The following LRFN5 variants were observed in gnomAD, a reference collection of about 807,000 sequenced individuals.
LRFN5 encodes leucine-rich repeat and fibronectin type-III domain-containing protein 5.
In LRFN5, 24 loss-of-function variants were observed where a neutral mutation model predicts 45.6. That is an observed-to-expected ratio of 0.53 (90% CI 0.38 to 0.74). The LOEUF (loss-of-function observed/expected upper bound fraction) is 0.74, where lower values mean the gene tolerates loss of function less well. Among genes scored for constraint, LRFN5 ranks in the 30% least tolerant of loss-of-function variants. The pLI is 0.00. For missense variants in LRFN5, 776 were observed against 861.5 expected (o/e 0.90, Z 1.24); for synonymous variants, 340 against 313.8 (o/e 1.08, Z -0.88).
intron 2 of LRFN5, among the ~76,000 whole-genome samples, chr14:41,795,250 T>C (rs966636399): frequency 5.3e-5 from 8 of 152,032 alleles, no homozygotes; most frequent in African/African-American, 1.9e-4. Context: ...CCAGTTAGAA[T>C]GGCGATCATT....
chr14:41,757,254 T>A (rs1041811819), intron 1 of LRFN5, among the ~76,000 whole-genome samples: 5 of 152,168 alleles, frequency 3.3e-5, no homozygotes, highest in African/African-American at 1.2e-4. Flanking sequence ...TCCAGCTGCG[T>A]GCTGGGAGAA....
chr14:41,799,731 A>G (rs1260183366), intron 2 of LRFN5, among the ~76,000 whole-genome samples: 1 of 152,004 alleles, frequency 6.6e-6, no homozygotes, highest in African/African-American at 2.4e-5. Context: ...TGAGGAGATA[A>G]ACGCATTTGG....
chr14:41,802,552 G>A (rs967105020), intron 2 of LRFN5, among the ~76,000 whole-genome samples: 2 of 152,140 alleles, frequency 1.3e-5, no homozygotes, highest in Non-Finnish European at 2.9e-5. Context: ...AGAGTTTAGA[G>A]GAGTTGGAAA....
chr14:41,723,101 G>T (rs1883794551), intron 1 of LRFN5, among the ~76,000 whole-genome samples: 1 of 152,206 alleles, frequency 6.6e-6, no homozygotes, highest in African/African-American at 2.4e-5. Flanking sequence ...ATGGGTGTGA[G>T]GTGTAGAAGA....
intron 2 of LRFN5, among the ~76,000 whole-genome samples, chr14:41,817,750 C>T (rs1332731771): frequency 3.9e-5 from 6 of 152,124 alleles, no homozygotes; most frequent in African/African-American, 1.4e-4. Context: ...CTATGAGAAC[C>T]TAGATAAACT....
rs914212982 is a variant in LRFN5, at chr14:41,671,617, G to GTTTTTTTTT, written c.-197+63067_-197+63075dup. The stretch of plus-strand genomic sequence containing the variant: ...TGTGGAGGAGAGATTTTTTTTTTTC[G>GTTTTTTTTT]TTTTTTTTTTTTTTTTTTTTACGGA... On this transcript the variant is annotated intron_variant, in intron 1 of 5. Coordinates refer to ENST00000298119, the MANE Select transcript of LRFN5 (RefSeq NM_152447.5). Among the ~76,000 whole-genome samples, 662 of 78,014 alleles carry GTTTTTTTTT rather than the reference G, an allele frequency of 8.5e-3. 136 individuals are homozygous for GTTTTTTTTT. Among genetic ancestry groups the GTTTTTTTTT allele is most frequent in the African/African-American group, 0.032 (591 of 18,590 alleles). The allele number at this position is 78,014 out of a possible 152,430, so 51.2% of individuals were successfully genotyped here. A position where few individuals can be genotyped will look rare whatever the true frequency, so the allele number is the denominator to read the frequency against.
chr14:41,830,777 C>T (rs952700441), intron 2 of LRFN5, among the ~76,000 whole-genome samples: 47 of 152,084 alleles, frequency 3.1e-4, no homozygotes, highest in Non-Finnish European at 1.9e-4. Flanking sequence ...CCTGCTCTGT[C>T]TCCTGGTGGG....
At chr14:41,787,397 C>T (rs1355296194) in intron 2 of LRFN5, among the ~76,000 whole-genome samples, 2 of 152,080 alleles carry the variant, frequency 1.3e-5, no homozygotes, top group African/African-American at 4.8e-5. Context: ...AAACTGCCTC[C>T]ACACAGAAAG....
intron 1 of LRFN5, among the ~76,000 whole-genome samples, chr14:41,664,396 G>C (rs545690735): frequency 1.2e-4 from 18 of 151,716 alleles, no homozygotes; most frequent in African/African-American, 4.1e-4. Context: ...AATTTTTCTT[G>C]GTGGTATCTA....
chr14:41,662,009 A>G (rs1438953415), intron 1 of LRFN5, among the ~76,000 whole-genome samples: 1 of 152,012 alleles, frequency 6.6e-6, no homozygotes, highest in Non-Finnish European at 1.5e-5. Flanking sequence ...AATGACATTG[A>G]CAAGAGAAGG....
intron 1 of LRFN5, among the ~76,000 whole-genome samples, chr14:41,763,386 G>A (rs757376109): frequency 6.6e-6 from 1 of 152,152 alleles, no homozygotes; most frequent in Non-Finnish European, 1.5e-5. Context: ...GTATCATTTG[G>A]TGCTGGAGGA....
At chr14:41,699,674 G>A (rs1208144317) in intron 1 of LRFN5, 2 of 152,100 alleles carry the variant, frequency 1.3e-5, no homozygotes, top group African/African-American at 4.8e-5. Flanking sequence ...ATCTGTTTAT[G>A]TGACACTAAC....
intron 3 of LRFN5, among the ~76,000 whole-genome samples, chr14:41,888,222 T>G (rs888777389): frequency 3.9e-5 from 6 of 152,154 alleles, no homozygotes; most frequent in Non-Finnish European, 7.3e-5. Flanking sequence ...TATTTAATAT[T>G]ATGCTTACTT....
At chr14:41,830,030 A>C (rs1431285556) in intron 2 of LRFN5, among the ~76,000 whole-genome samples, 2 of 151,440 alleles carry the variant, frequency 1.3e-5, no homozygotes, top group Admixed American at 1.3e-4. Flanking sequence ...ATCTTAATAC[A>C]TAATTAACTT....
At chr14:41,749,752 T>C (rs1475450973) in intron 1 of LRFN5, among the ~76,000 whole-genome samples, 1 of 152,112 alleles carries the variant, frequency 6.6e-6, no homozygotes, top group Non-Finnish European at 1.5e-5. Flanking sequence ...TACCGCAGAC[T>C]CCCATGACAC....
intron 2 of LRFN5, among the ~76,000 whole-genome samples, chr14:41,871,008 T>C (rs1256814457): frequency 6.6e-6 from 1 of 152,016 alleles, no homozygotes; most frequent in African/African-American, 2.4e-5. Context: ...CATATGTCAG[T>C]TTTTAAGGTT....
intron 1 of LRFN5, among the ~76,000 whole-genome samples, chr14:41,629,244 C>G (rs943158960): frequency 6.6e-6 from 1 of 152,152 alleles, no homozygotes; most frequent in African/African-American, 2.4e-5. Context: ...ATCAAAAACT[C>G]ACTGCCCTAT....
At chr14:41,611,854 G>C (rs1052070135) in intron 1 of LRFN5, among the ~76,000 whole-genome samples, 1 of 152,132 alleles carries the variant, frequency 6.6e-6, no homozygotes, top group African/African-American at 2.4e-5. Context: ...CTCAAGAGGC[G>C]ATGGCAAGAC....
At chr14:41,671,105 A>T (rs887080550) in intron 1 of LRFN5, among the ~76,000 whole-genome samples, 16 of 151,970 alleles carry the variant, frequency 1.1e-4, no homozygotes, top group African/African-American at 3.9e-4. Context: ...TGTAAAGGAA[A>T]TTTATTTTCT....
Sources: allele counts gnomAD v4.1 joint callset (sites outside exome capture counted in the v4.1 genomes callset), GRCh38; gene constraint gnomAD v4.1.1; transcripts MANE v1.5; gene names NCBI Gene and HGNC (gene_info 2026-07-23, HGNC 2026-07-21).